Variants in ZNF516 observed in about 807,000 individuals in gnomAD.
ZNF516 encodes the protein zinc finger protein 516.
In ZNF516, 19 loss-of-function variants were observed where a neutral mutation model predicts 79.7. The observed-to-expected ratio is 0.24, with a 90% confidence interval of 0.17 to 0.35. ZNF516 has a LOEUF of 0.35. Among genes scored for constraint, ZNF516 ranks in the 10% least tolerant of loss-of-function variants. ZNF516 has a pLI of 1.00. For missense variants in ZNF516, 1,678 were observed against 1,679.5 expected (o/e 1.00, Z 0.02); for synonymous variants, 877 against 739.5 (o/e 1.19, Z -3.02).
chr18:76,441,923 C>T lies in ZNF516; in HGVS notation c.1132G>A (p.Asp378Asn). The T allele has an allele frequency of 6.2e-7, 1 of 1,606,234 alleles. No individual in the cohort carries two copies. Among genetic ancestry groups the T allele is most frequent in the South Asian group, 1.1e-5 (1 of 90,556 alleles). Reference protein sequence around the residue: ...PAEEGAEGPSDTKQFFLQCLN... With the variant: ...PAEEGAEGPSNTKQFFLQCLN... ...CACTGGAGGAAGAACTGCTTGGTGTCCGAGGGCCCCTCCGCCCCCTCCTCG... is the reference window on the plus strand; with the variant it reads ...CACTGGAGGAAGAACTGCTTGGTGTTCGAGGGCCCCTCCGCCCCCTCCTCG... The change falls in exon 3 of 7, where the codon GAC becomes AAC. Residue 378 changes from aspartate (D) to asparagine (N), a missense_variant. Physicochemically the swap from Asp to Asn is conservative, Grantham distance 23. Around this residue, in one of 5 missense-constraint regions of ZNF516, gnomAD observed 1,294 missense variants for 1,248.3 expected, o/e 1.04. Transcript: ENST00000443185.
Position 76,363,708 on chromosome 18 carries a change from G to A in ZNF516, c.3433-1151C>T, listed in dbSNP as rs541541134. Among the ~76,000 whole-genome samples the A allele has an allele frequency of 5.3e-5, 8 of 152,328 alleles. No homozygotes were observed. The South Asian group carries it at 6.2e-4, about 12-fold the overall frequency. On this transcript the variant is annotated intron_variant, in intron 6 of 6. Transcript: ENST00000443185. ...CATTTTTGTACAGTGACGTCAGGCC[G>A]TGAAGACATCTCTGAGGTTCTGATG...
intron 3 of ZNF516, among the ~76,000 whole-genome samples, chr18:76,423,890 GA>G (rs1285079188): frequency 1.3e-4 from 13 of 99,018 alleles, no homozygotes; most frequent in African/African-American, 4.3e-4. Context: ...AGGTTCCCCC[GA>G]AACACACGCA....
chr18:76,484,021 G>C (rs1409643167), intron 1 of ZNF516, among the ~76,000 whole-genome samples: 1 of 152,178 alleles, frequency 6.6e-6, no homozygotes, highest in Non-Finnish European at 1.5e-5. Flanking sequence ...CAAAGCTGAA[G>C]GGGGGCTCTC....
At position 76,358,278 on chromosome 18, in the gene ZNF516, T is replaced by C. The variant is rs2074483575; in HGVS notation, c.*4220A>G. The C allele has an allele frequency of 6.6e-6, 1 of 152,250 alleles. No individual in the cohort carries two copies. The highest frequency in any genetic ancestry group is 2.4e-5 in the African/African-American group (1 of 41,466). The allele number at this position is 152,250 out of a possible 1,614,324, so 9.4% of individuals were successfully genotyped here. On this transcript the variant is annotated 3_prime_UTR_variant, in exon 7 of 7. Transcript: ENST00000443185. Reference sequence around the variant, plus strand: ...TATTTTTATCACACAACTAAAACATTGAATTACTTTTTCAGAAATAGTTAA... The same window carrying C: ...TATTTTTATCACACAACTAAAACATCGAATTACTTTTTCAGAAATAGTTAA...
intron 3 of ZNF516, among the ~76,000 whole-genome samples, chr18:76,415,392 T>C (rs1246857189): frequency 6.6e-6 from 1 of 152,188 alleles, no homozygotes; most frequent in Admixed American, 6.5e-5. Context: ...GGCTGTGGCT[T>C]TGACACCCAT....
At chr18:76,488,733 T>C (rs1914984825) in intron 1 of ZNF516, among the ~76,000 whole-genome samples, 1 of 152,356 alleles carries the variant, frequency 6.6e-6, no homozygotes, top group African/African-American at 2.4e-5. Flanking sequence ...CCATTACAGT[T>C]CTATTACTAA....
At chr18:76,482,960 T>TA (rs1914613291) in intron 1 of ZNF516, among the ~76,000 whole-genome samples, 1 of 152,154 alleles carries the variant, frequency 6.6e-6, no homozygotes. Flanking sequence ...ACCTAGTATA[T>TA]AGGTTCGGGT....
chr18:76,428,527 A>T (rs2075624024), intron 3 of ZNF516, among the ~76,000 whole-genome samples: 1 of 152,240 alleles, frequency 6.6e-6, no homozygotes, highest in African/African-American at 2.4e-5. Context: ...TCAACAGGCA[A>T]ATAGAACAAG....
At chr18:76,492,281 C>T (rs1915276764) in intron 1 of ZNF516, 1 of 985,466 alleles carries the variant, frequency 1.0e-6, no homozygotes, top group Non-Finnish European at 1.2e-6. Flanking sequence ...GAGGTGCGTA[C>T]TACGCGAGCC....
chr18:76,432,275 C>T (rs1022153739), intron 3 of ZNF516, among the ~76,000 whole-genome samples: 2 of 152,252 alleles, frequency 1.3e-5, no homozygotes, highest in African/African-American at 4.8e-5. Context: ...CTGCTCACCC[C>T]ATAGGCCTCT....
intron 6 of ZNF516, among the ~76,000 whole-genome samples, chr18:76,363,367 C>G (rs1374199891): frequency 6.6e-6 from 1 of 152,140 alleles, no homozygotes; most frequent in Non-Finnish European, 1.5e-5. Context: ...CCAGCTATGC[C>G]TATAGGAACC....
At chr18:76,483,554 TCCC>T (rs1385797386) in intron 1 of ZNF516, among the ~76,000 whole-genome samples, 1 of 151,846 alleles carries the variant, frequency 6.6e-6, no homozygotes, top group African/African-American at 2.4e-5. Context: ...GTGCCAAATG[TCCC>T]CCGTCAGCTG....
intron 3 of ZNF516, among the ~76,000 whole-genome samples, chr18:76,407,612 A>G (rs1340805932): frequency 2.0e-5 from 3 of 152,196 alleles, no homozygotes; most frequent in Non-Finnish European, 4.4e-5. Flanking sequence ...TCCACCACCA[A>G]GCATCATTCT....
intron 6 of ZNF516, among the ~76,000 whole-genome samples, chr18:76,366,645 T>C (rs571899645): frequency 4.1e-4 from 62 of 152,348 alleles, no homozygotes; most frequent in Middle Eastern, 6.8e-3. Flanking sequence ...AGTATGTGTG[T>C]AGATGTGTTC....
At chr18:76,399,463 G>C (rs540217548) in intron 3 of ZNF516, among the ~76,000 whole-genome samples, 1 of 152,318 alleles carries the variant, frequency 6.6e-6, no homozygotes, top group South Asian at 2.1e-4. Context: ...TATATATATA[G>C]TCAGCATATC....
rs373540251 is a variant in ZNF516, at chr18:76,360,646, A to AAAAATATATATAT, written c.*1851_*1852insATATATATATTTT. 2.8e-5 allele frequency: 2 copies of AAAAATATATATAT among 72,460 alleles called. No homozygotes were observed. The highest frequency in any genetic ancestry group is 6.1e-5 in the African/African-American group (1 of 16,376). The allele number at this position is 72,460 out of a possible 1,614,324, so 4.5% of individuals were successfully genotyped here. A position where few individuals can be genotyped will look rare whatever the true frequency, so the allele number is the denominator to read the frequency against. ...AAAAAAATAAGTAAAAAAAAAAAAA[A>AAAAATATATATAT]ATATATATATATATATATATATATA... On this transcript the variant is annotated 3_prime_UTR_variant, in exon 7 of 7. Coordinates refer to ENST00000443185, the MANE Select transcript of ZNF516 (RefSeq NM_014643.4).
At chr18:76,478,301 G>A (rs1017355446) in intron 1 of ZNF516, among the ~76,000 whole-genome samples, 12 of 152,168 alleles carry the variant, frequency 7.9e-5, no homozygotes, top group East Asian at 1.9e-4. Context: ...CAATAATGAT[G>A]TATGAAATAA....
chr18:76,489,586 C>CAAAAAAAAA (rs5826461), intron 1 of ZNF516, among the ~76,000 whole-genome samples: 1 of 109,396 alleles, frequency 9.1e-6, no homozygotes, highest in Non-Finnish European at 1.9e-5. Context: ...CAACATCTTA[C>CAAAAAAAAA]AAAAAAAAAA....
intron 3 of ZNF516, among the ~76,000 whole-genome samples, chr18:76,423,677 TACACACGCAGGTGAAAAGGCTCCCCCGAA>T (rs1293006453): frequency 8.8e-4 from 18 of 20,526 alleles, no homozygotes; most frequent in African/African-American, 2.6e-3. Context: ...TCCTGAAACA[TACACACGCAGGTGAAAAGGCTCCCCCGAA>T]ACACACGCAG....
Sources: allele counts gnomAD v4.1 joint callset (sites outside exome capture counted in the v4.1 genomes callset), GRCh38; gene constraint gnomAD v4.1.1; regional missense constraint gnomAD v4.1.1; transcripts MANE v1.5; gene names NCBI Gene and HGNC (gene_info 2026-07-23, HGNC 2026-07-21).